PCDHA5: variants seen among roughly 807,000 people sequenced by gnomAD.
The protein encoded by PCDHA5 is protocadherin alpha 5, also known as protocadherin alpha-5.
Under a neutral mutation model 61.6 loss-of-function variants are expected in PCDHA5, and 43 were observed. The observed-to-expected ratio is 0.70, with a 90% CI of 0.55 to 0.90. The LOEUF (loss-of-function observed/expected upper bound fraction) is 0.90, where lower values mean the gene tolerates loss of function less well. PCDHA5 is among the 40% of genes least tolerant of loss of function. The probability of loss-of-function intolerance (pLI) is 0.00; values close to 1 mark genes in which losing one functional copy is unlikely to be tolerated. For synonymous variants in PCDHA5, 627 were observed against 543.9 expected (o/e 1.15, Z -2.13); for missense variants, 1,298 against 1,222.7 (o/e 1.06, Z -0.92).
intron 1 of PCDHA5, among the ~76,000 whole-genome samples, chr5:140,975,516 G>A (rs1310855349): frequency 6.6e-6 from 1 of 152,284 alleles, no homozygotes; most frequent in South Asian, 2.1e-4. Flanking sequence ...TGCAAAATCT[G>A]CAGTGGATAT....
chr5:140,871,433 T>C (rs2053076165), intron 1 of PCDHA5: 3 of 1,612,290 alleles, frequency 1.9e-6, no homozygotes, highest in Non-Finnish European at 2.5e-6. Flanking sequence ...AGTCTTCCTC[T>C]AGGTCTGAAT....
chr5:140,828,715 C>T, intron 1 of PCDHA5: 1 of 1,614,274 alleles, frequency 6.2e-7, no homozygotes, highest in Non-Finnish European at 8.5e-7. Flanking sequence ...CTCCTGCACA[C>T]AACTTATTCC....
At position 140,821,912 on chromosome 5, in the gene PCDHA5, G is replaced by T. The variant is rs2150111896; in HGVS notation, c.137G>T (p.Arg46Leu). The T allele has an allele frequency of 4.8e-5, 77 of 1,614,108 alleles. No homozygotes were observed. The highest frequency in any genetic ancestry group is 6.4e-5 in the Non-Finnish European group (76 of 1,180,052). The change falls in exon 1 of 4, where the codon CGC becomes CTC. Residue 46 changes from arginine to leucine, a missense_variant. By Grantham distance (102) the Arg-to-Leu change is moderately radical. Coordinates refer to ENST00000529859, the MANE Select transcript of PCDHA5 (RefSeq NM_018908.3). ...EEAKHGTFVGRIAQDLGLELA... is the reference protein window; with the variant it reads ...EEAKHGTFVGLIAQDLGLELA... ...GCCAAACACGGAACCTTCGTTGGCC[G>T]CATCGCGCAGGACCTAGGGCTGGAG...
chr5:140,942,601 G>T (rs562403777), intron 1 of PCDHA5, among the ~76,000 whole-genome samples: 1 of 130,586 alleles, frequency 7.7e-6, no homozygotes, highest in South Asian at 2.4e-4. Flanking sequence ...TAATTATAGT[G>T]TTTATATTTG....
At chr5:140,929,209 G>T in intron 1 of PCDHA5, 1 of 1,614,054 alleles carries the variant, frequency 6.2e-7, no homozygotes, top group Non-Finnish European at 8.5e-7. Context: ...GCTGTTGCGT[G>T]GGGAGTACAA....
At chr5:140,915,012 C>T (rs2076943122) in intron 1 of PCDHA5, among the ~76,000 whole-genome samples, 1 of 144,844 alleles carries the variant, frequency 6.9e-6, no homozygotes, top group Non-Finnish European at 1.5e-5. Context: ...GTGGCCTGAT[C>T]TTGGCTCACT....
intron 1 of PCDHA5, among the ~76,000 whole-genome samples, chr5:140,951,349 T>C (rs1403359324): frequency 1.3e-5 from 2 of 152,144 alleles, no homozygotes; most frequent in Non-Finnish European, 2.9e-5. Flanking sequence ...GTTAGTCCAT[T>C]ATTGCACTGT....
rs2150186603 is a variant in PCDHA5 at position 140,830,447 on chromosome 5, G to C, written c.2352+6320G>C. 46 of 1,601,744 alleles carry C rather than the reference G, an allele frequency of 2.9e-5. No homozygotes were observed. In the East Asian group the frequency reaches 1.0e-3, roughly 35 times the overall value. On this transcript the variant is annotated intron_variant, in intron 1 of 3. Coordinates refer to ENST00000529859, the MANE Select transcript of PCDHA5 (RefSeq NM_018908.3). ...ACCTTGTCCTATTATGATGGGTAAG[G>C]CGGAGAATCAGGATTTAAATGAAGA...
At position 140,875,429 on chromosome 5, in the gene PCDHA5, C is replaced by T. The variant is rs781965482; in HGVS notation, c.2352+51302C>T. ...CATAAAATACCTCAGGCAAGCGATCCCTTAAAACTGATTGTCCCAACTCAG... is the reference window on the plus strand; with the variant it reads ...CATAAAATACCTCAGGCAAGCGATCTCTTAAAACTGATTGTCCCAACTCAG... On this transcript the variant is annotated intron_variant, in intron 1 of 3. Transcript: ENST00000529859. The T allele has an allele frequency of 1.9e-6, 3 of 1,551,972 alleles. No homozygotes were observed. In the Admixed American group the frequency reaches 6.1e-5, roughly 32 times the overall value.
chr5:140,883,707 A>C, intron 1 of PCDHA5: 1 of 1,613,636 alleles, frequency 6.2e-7, no homozygotes. Context: ...GTGTCTGCTC[A>C]GGACGCGGAC....
chr5:140,965,260 G>A (rs1188138728), intron 1 of PCDHA5, among the ~76,000 whole-genome samples: 1 of 152,202 alleles, frequency 6.6e-6, no homozygotes, highest in Non-Finnish European at 1.5e-5. Context: ...GAACTGAGCA[G>A]CAGAGGCAAT....
At chr5:140,967,331 C>T (rs2096128497) in intron 1 of PCDHA5, 1 of 1,608,078 alleles carries the variant, frequency 6.2e-7, no homozygotes, top group African/African-American at 1.3e-5. Context: ...CGAGCTCAGC[C>T]CCAGCGAGCA....
chr5:140,944,853 C>T (rs1230548858), intron 1 of PCDHA5, among the ~76,000 whole-genome samples: 1 of 152,118 alleles, frequency 6.6e-6, no homozygotes, highest in East Asian at 1.9e-4. Context: ...TTAGAATCAT[C>T]CTTATTTATC....
chr5:140,952,615 C>T (rs572552032), intron 1 of PCDHA5, among the ~76,000 whole-genome samples: 1 of 152,288 alleles, frequency 6.6e-6, no homozygotes, highest in East Asian at 1.9e-4. Context: ...TCTCCCTCAT[C>T]TTCCCTCCAC....
At chr5:140,862,471 C>G in intron 1 of PCDHA5, 3 of 374,584 alleles carry the variant, frequency 8.0e-6, no homozygotes, top group Non-Finnish European at 1.6e-5. Context: ...GAGAGCAAAT[C>G]TATCCATTGT....
chr5:140,836,641 A>G, intron 1 of PCDHA5: 1 of 1,613,486 alleles, frequency 6.2e-7, no homozygotes, highest in South Asian at 1.1e-5. Flanking sequence ...TTCTCCCAGC[A>G]GAGGCGGCAG....
chr5:140,982,526 T>A lies in PCDHA5; in HGVS notation c.2463T>A (p.Pro821=). Residue 821 remains proline (P), a synonymous_variant, in exon 3 of 4, where the codon CCT becomes CCA. Coordinates refer to ENST00000529859, the MANE Select transcript of PCDHA5 (RefSeq NM_018908.3). ...TTCTACGGGCTGGTCCAGGAGGGCC[T>A]GATCAGCAGTGGCCAACAGTATCCA... ...AGILRAGPGG[P]DQQWPTVSSA... is the part of the protein sequence containing the mutation. 1.2e-6 allele frequency: 2 copies of A among 1,614,192 alleles called. No individual in the cohort carries two copies. Among genetic ancestry groups the A allele is most frequent in the Non-Finnish European group, 1.7e-6 (2 of 1,180,028 alleles).
intron 1 of PCDHA5, chr5:140,842,585 G>T: frequency 6.3e-7 from 1 of 1,596,296 alleles, no homozygotes; most frequent in East Asian, 2.2e-5. Flanking sequence ...GTCGGCCTAT[G>T]AGTTGGTGGT....
At chr5:140,856,003 T>G (rs1554148087) in intron 1 of PCDHA5, 3 of 1,536,896 alleles carry the variant, frequency 2.0e-6, no homozygotes, top group Non-Finnish European at 2.6e-6. Flanking sequence ...CGTATGTGCG[T>G]TCTAGACCGC....
Sources: allele counts gnomAD v4.1 joint callset (sites outside exome capture counted in the v4.1 genomes callset), GRCh38; gene constraint gnomAD v4.1.1; transcripts MANE v1.5; gene names NCBI Gene and HGNC (gene_info 2026-07-23, HGNC 2026-07-21).